Variants in NEK1 observed in about 807,000 individuals in gnomAD.
NEK1 encodes the protein serine/threonine-protein kinase Nek1.
NEK1 carries 137 observed loss-of-function variants against 182.1 expected under a neutral mutation model. The observed-to-expected ratio is 0.75, with a 90% CI of 0.65 to 0.87. NEK1 has a LOEUF of 0.87. Ranked by LOEUF, NEK1 falls within the 40% of genes least tolerant of loss-of-function variation. The pLI, the probability that NEK1 is intolerant of heterozygous loss-of-function variation, is 0.00. For synonymous variants in NEK1, 513 were observed against 492.2 expected, an observed-to-expected ratio of 1.04 and a Z score of -0.56; for missense variants, 1,391 against 1,494.4, an observed-to-expected ratio of 0.93 and a Z score of 1.14.
intron 12 of NEK1, among the ~76,000 whole-genome samples, chr4:169,567,816 G>A (rs1019398072): frequency 2.0e-5 from 3 of 152,162 alleles, no homozygotes; most frequent in African/African-American, 7.2e-5. Flanking sequence ...GACTCTGCCT[G>A]AAATTCAAAA....
chr4:169,583,641 G>A (rs1266285293), intron 10 of NEK1, among the ~76,000 whole-genome samples: 1 of 152,084 alleles, frequency 6.6e-6, no homozygotes, highest in Non-Finnish European at 1.5e-5. Flanking sequence ...CCCAACTCCT[G>A]GTATAGGGAG....
intron 26 of NEK1, among the ~76,000 whole-genome samples, chr4:169,472,046 G>A (rs1746069870): frequency 6.6e-6 from 1 of 152,104 alleles, no homozygotes; most frequent in Non-Finnish European, 1.5e-5. Context: ...AGCTTGTGGG[G>A]CTCCGTGGGG....
In NEK1 at chr4:169,507,877, A is replaced by G. The variant is rs116072569; in HGVS notation, c.1834-85T>C. On this transcript the variant is annotated intron_variant, in intron 21 of 35. Coordinates refer to ENST00000507142, the MANE Select transcript of NEK1 (RefSeq NM_001199397.3). ...CTCTGTGAAAGATAACAATGAATAA[A>G]CTAAAATCTAAAAATATAAAATGGA... The G allele has an allele frequency of 9.9e-4, 979 of 991,084 alleles. 9 individuals are homozygous for G. In the African/African-American group the frequency reaches 0.014, roughly 15 times the overall value. 61.4% of individuals were successfully genotyped at this position (991,084 alleles called of 1,614,324 possible).
intron 19 of NEK1, among the ~76,000 whole-genome samples, chr4:169,531,895 T>A (rs1757735289): frequency 6.6e-6 from 1 of 152,144 alleles, no homozygotes; most frequent in African/African-American, 2.4e-5. Flanking sequence ...CAAATGTTCA[T>A]CAACAGAGAA....
At chr4:169,480,301 T>G (rs1449866064) in intron 23 of NEK1, among the ~76,000 whole-genome samples, 1 of 152,070 alleles carries the variant, frequency 6.6e-6, no homozygotes, top group African/African-American at 2.4e-5. Flanking sequence ...ACCTTCACTT[T>G]ACAACAATAC....
chr4:169,572,941 G>T (rs937922833), intron 12 of NEK1, among the ~76,000 whole-genome samples: 3 of 152,188 alleles, frequency 2.0e-5, no homozygotes, highest in African/African-American at 7.2e-5. Flanking sequence ...AATCTTTTGG[G>T]AAAGTTTTGT....
At chr4:169,396,629 C>T (rs1579259855) in intron 35 of NEK1, among the ~76,000 whole-genome samples, 1 of 152,184 alleles carries the variant, frequency 6.6e-6, no homozygotes, top group Non-Finnish European at 1.5e-5. Flanking sequence ...AAGATATTGA[C>T]GCTTACCAAA....
chr4:169,499,144 C>A (rs1392743550), intron 23 of NEK1, among the ~76,000 whole-genome samples: 1 of 152,150 alleles, frequency 6.6e-6, no homozygotes, highest in African/African-American at 2.4e-5. Flanking sequence ...CGCTTCATTT[C>A]ATTCATTTGA....
intron 12 of NEK1, among the ~76,000 whole-genome samples, chr4:169,570,562 C>A (rs192963401): frequency 0.087 from 12,954 of 148,090 alleles, 734 homozygotes; most frequent in African/African-American, 0.16. Context: ...GTGGGGGGGT[C>A]AGCCCCCCGC....
chr4:169,601,727 T>G (rs1412962673), intron 4 of NEK1, among the ~76,000 whole-genome samples: 1 of 152,038 alleles, frequency 6.6e-6, no homozygotes, highest in South Asian at 2.1e-4. Context: ...ACAGGCACAG[T>G]TGGGAGGCTG....
chr4:169,446,920 A>T (rs138225945), intron 27 of NEK1, among the ~76,000 whole-genome samples: 8 of 152,342 alleles, frequency 5.3e-5, no homozygotes, highest in African/African-American at 1.7e-4. Flanking sequence ...CAAAGGAAAA[A>T]GAATAAGGAA....
intron 12 of NEK1, among the ~76,000 whole-genome samples, chr4:169,567,384 T>TA (rs1763877951): frequency 6.6e-6 from 1 of 150,946 alleles, no homozygotes; most frequent in Non-Finnish European, 1.5e-5. Flanking sequence ...CACAGAAACT[T>TA]AGTTTTAAGT....
intron 31 of NEK1, among the ~76,000 whole-genome samples, chr4:169,410,164 T>C (rs1358706486): frequency 6.6e-6 from 1 of 152,202 alleles, no homozygotes; most frequent in Non-Finnish European, 1.5e-5. Context: ...AGCTCATCTA[T>C]AACACACTGG....
At chr4:169,394,838 C>T (rs1730425140) in intron 35 of NEK1, among the ~76,000 whole-genome samples, 1 of 152,016 alleles carries the variant, frequency 6.6e-6, no homozygotes, top group South Asian at 2.1e-4. Context: ...ATAGGTTTTC[C>T]ACTGAAAACA....
chr4:169,499,023 C>T (rs56223677), intron 23 of NEK1, among the ~76,000 whole-genome samples: 1 of 152,156 alleles, frequency 6.6e-6, no homozygotes, highest in Admixed American at 6.5e-5. Flanking sequence ...TCCATTCTCC[C>T]CATCACTTTC....
chr4:169,428,483 T>C (rs527508511), intron 29 of NEK1, among the ~76,000 whole-genome samples: 2 of 151,686 alleles, frequency 1.3e-5, no homozygotes, highest in South Asian at 4.2e-4. Context: ...CAAAAGGCTA[T>C]ATACTATATG....
At chr4:169,595,922 C>CAAAAAAAAAAAAAAAAAA (rs56313001) in intron 5 of NEK1, among the ~76,000 whole-genome samples, 1 of 67,204 alleles carries the variant, frequency 1.5e-5, no homozygotes. Flanking sequence ...GACTCCACCT[C>CAAAAAAAAAAAAAAAAAA]AAAAAAAAAA....
intron 27 of NEK1, among the ~76,000 whole-genome samples, chr4:169,452,390 T>C (rs2149470923): frequency 6.6e-6 from 1 of 152,326 alleles, no homozygotes; most frequent in Admixed American, 6.5e-5. Context: ...ATATCCCTGA[T>C]GAACGTCGAT....
intron 19 of NEK1, among the ~76,000 whole-genome samples, chr4:169,511,881 G>A (rs910199290): frequency 6.6e-6 from 1 of 151,962 alleles, no homozygotes; most frequent in Admixed American, 6.6e-5. Flanking sequence ...GAGACTGAGT[G>A]TTTTCATTCA....
Sources: gnomAD v4.1 joint callset for allele counts (sites outside exome capture counted in the v4.1 genomes callset) on GRCh38, gnomAD v4.1.1 for gene constraint, MANE v1.5 for transcripts, NCBI Gene and HGNC (gene_info 2026-07-23, HGNC 2026-07-21) for gene names.